CCDC149: variants seen among roughly 807,000 people sequenced by gnomAD.
The protein encoded by CCDC149 is coiled-coil domain containing 149.
CCDC149 carries 45 observed loss-of-function variants against 59.9 expected under a neutral mutation model. The ratio of observed to expected loss-of-function variants is 0.75; its 90% CI spans 0.59 to 0.96. The LOEUF (loss-of-function observed/expected upper bound fraction) is 0.96. Among genes scored for constraint, CCDC149 ranks in the 40% least tolerant of loss-of-function variants. The pLI is 0.00. For missense variants in CCDC149, 584 were observed against 664.7 expected, an observed-to-expected ratio of 0.88 and a Z score of 1.33; for synonymous variants, 245 against 260.6, an observed-to-expected ratio of 0.94 and a Z score of 0.58.
chr4:24,899,565 C>T (rs1721039784), intron 1 of CCDC149, among the ~76,000 whole-genome samples: 1 of 152,152 alleles, frequency 6.6e-6, no homozygotes, highest in African/African-American at 2.4e-5. Context: ...AGAGCATTAT[C>T]AGGGGCAGTG....
At chr4:24,945,997 G>GA (rs892881073) in intron 1 of CCDC149, among the ~76,000 whole-genome samples, 9 of 152,060 alleles carry the variant, frequency 5.9e-5, no homozygotes, top group Non-Finnish European at 1.2e-4. Flanking sequence ...ATTGTTCCAG[G>GA]AAAAAAGGAA....
intron 1 of CCDC149, among the ~76,000 whole-genome samples, chr4:24,944,227 T>C (rs966301712): frequency 2.0e-5 from 3 of 152,136 alleles, no homozygotes; most frequent in Non-Finnish European, 4.4e-5. Flanking sequence ...GCCATAAAAA[T>C]GATGAGTTCA....
intron 10 of CCDC149, 27 bp downstream of exon 10, chr4:24,822,470 A>G: frequency 7.0e-7 from 1 of 1,430,568 alleles, no homozygotes; most frequent in Non-Finnish European, 9.3e-7. Context: ...AAAAAAAGGA[A>G]AATTGTTTTC....
chr4:24,901,063 C>T (rs916106889), intron 1 of CCDC149, among the ~76,000 whole-genome samples: 1 of 152,190 alleles, frequency 6.6e-6, no homozygotes, highest in Non-Finnish European at 1.5e-5. Context: ...GTTTAATTGG[C>T]TAGCTGTACA....
chr4:24,825,172 G>A (rs988653341), intron 9 of CCDC149, among the ~76,000 whole-genome samples: 20 of 152,190 alleles, frequency 1.3e-4, no homozygotes, highest in African/African-American at 4.1e-4. Context: ...GGCTGCAGGG[G>A]ATAATGAGGA....
intron 8 of CCDC149, among the ~76,000 whole-genome samples, chr4:24,831,990 T>A (rs1027281352): frequency 6.6e-6 from 1 of 152,236 alleles, no homozygotes; most frequent in African/African-American, 2.4e-5. Flanking sequence ...TTCCATTTCA[T>A]GGACAAAGCA....
rs568024906 is a variant in CCDC149, at chr4:24,912,782, C to G, written c.63+35G>C. On this transcript the variant is annotated intron_variant, in intron 1 of 12. Coordinates refer to ENST00000635206, the MANE Select transcript of CCDC149 (RefSeq NM_001330643.2). Reference sequence around the variant, plus strand: ...GCCCGGGGCTGGCGGCCGCTCGGCCCGGCCCATCCCGCCTGGCCGGCGCCG... The same window carrying G: ...GCCCGGGGCTGGCGGCCGCTCGGCCGGGCCCATCCCGCCTGGCCGGCGCCG... The G allele has an allele frequency of 6.1e-4, 775 of 1,264,316 alleles. No individual in the cohort carries two copies. In the African/African-American group the frequency reaches 0.012, roughly 19 times the overall value. 78.3% of individuals were successfully genotyped at this position (1,264,316 alleles called of 1,614,324 possible). A position where few individuals can be genotyped will look rare whatever the true frequency, so the allele number is the denominator to read the frequency against.
intron 1 of CCDC149, chr4:24,895,021 T>TGATGATGATGATGACGAC (rs1425182188): frequency 1.3e-6 from 2 of 1,504,356 alleles, no homozygotes; most frequent in African/African-American, 2.8e-5. Context: ...GCTCTGGCGA[T>TGATGATGATGATGACGAC]GATGATGATG....
chr4:24,874,271 T>TG (rs1467070801), intron 2 of CCDC149, among the ~76,000 whole-genome samples: 24 of 49,988 alleles, frequency 4.8e-4, no homozygotes, highest in African/African-American at 1.2e-3. Flanking sequence ...TTTTGTTTTT[T>TG]TTTGTTTTTT....
intron 12 of CCDC149, among the ~76,000 whole-genome samples, chr4:24,811,242 C>T (rs535487196): frequency 6.6e-6 from 1 of 152,250 alleles, no homozygotes; most frequent in South Asian, 2.1e-4. Flanking sequence ...TTCTACCATC[C>T]AATATCACCT....
chr4:24,961,800 A>C (rs2109361544), intron 1 of CCDC149, among the ~76,000 whole-genome samples: 1 of 152,330 alleles, frequency 6.6e-6, no homozygotes, highest in African/African-American at 2.4e-5. Flanking sequence ...ACCTTATATA[A>C]AAATTAATTC....
At position 24,935,199 on chromosome 4, in the gene CCDC149, T is replaced by C. The variant is rs183854845; in HGVS notation, c.-64-40081A>G. Among the ~76,000 whole-genome samples the C allele has an allele frequency of 2.8e-3, 422 of 152,264 alleles. 3 individuals are homozygous for C. The highest frequency in any genetic ancestry group is 4.6e-3 in the Non-Finnish European group (310 of 68,018). ...TTTTTAAGTTAGACACAGCAATGCT[T>C]GCAGATAGATTGGATGTAGAAGTGA... is the stretch of plus-strand genomic sequence containing the variant. On this transcript the variant is annotated intron_variant, in intron 1 of 12. Transcript: ENST00000389609.
At chr4:24,811,716 T>C (rs565691109) in intron 12 of CCDC149, among the ~76,000 whole-genome samples, 22 of 151,960 alleles carry the variant, frequency 1.4e-4, no homozygotes, top group African/African-American at 4.6e-4. Flanking sequence ...CTACTAAAAA[T>C]ACAAAAATTA....
At chr4:24,870,332 A>G (rs16876287) in intron 3 of CCDC149, among the ~76,000 whole-genome samples, 2,911 of 152,338 alleles carry the variant, frequency 0.019, 104 homozygotes, top group African/African-American at 0.066. Flanking sequence ...TCATGAAGCC[A>G]TAAACCATCA....
At chr4:24,849,983 C>T (rs866092035) in intron 4 of CCDC149, among the ~76,000 whole-genome samples, 1 of 152,242 alleles carries the variant, frequency 6.6e-6, no homozygotes, top group Non-Finnish European at 1.5e-5. Flanking sequence ...ACAGAAGCTT[C>T]TCAAATACAT....
At chr4:24,979,855 A>G (rs16876454) in intron 1 of CCDC149, among the ~76,000 whole-genome samples, 2,010 of 152,318 alleles carry the variant, frequency 0.013, 50 homozygotes, top group African/African-American at 0.046. Context: ...TGTCACGTCA[A>G]TGCGTCGATG....
At chr4:24,862,072 A>G (rs926255376) in intron 3 of CCDC149, among the ~76,000 whole-genome samples, 4 of 152,246 alleles carry the variant, frequency 2.6e-5, no homozygotes, top group African/African-American at 9.6e-5. Flanking sequence ...CACCAAGATG[A>G]ATCTTGATAG....
At chr4:24,860,799 C>A (rs560291475) in intron 3 of CCDC149, among the ~76,000 whole-genome samples, 207 of 152,130 alleles carry the variant, frequency 1.4e-3, no homozygotes, top group African/African-American at 4.7e-3. Flanking sequence ...CATGAAGAGA[C>A]AATTCTCAAA....
intron 1 of CCDC149, among the ~76,000 whole-genome samples, chr4:24,941,464 C>A (rs1029630477): frequency 1.3e-5 from 2 of 152,108 alleles, no homozygotes; most frequent in Non-Finnish European, 2.9e-5. Context: ...AAAATTGACA[C>A]CCTAACATCA....
Sources: allele counts gnomAD v4.1 joint callset (sites outside exome capture counted in the v4.1 genomes callset), GRCh38; gene constraint gnomAD v4.1.1; transcripts MANE v1.5; gene names NCBI Gene and HGNC (gene_info 2026-07-23, HGNC 2026-07-21).